Variants in FAT3 observed in about 807,000 individuals in gnomAD.
The protein encoded by FAT3 is protocadherin Fat 3.
FAT3 carries 95 observed loss-of-function variants against 310.2 expected under a neutral mutation model. That is an observed-to-expected ratio of 0.31 (90% CI 0.26 to 0.36). The LOEUF (loss-of-function observed/expected upper bound fraction) is 0.36, where lower values mean the gene tolerates loss of function less well. FAT3 is among the 10% of genes least tolerant of loss of function. The pLI is 1.00. For synonymous variants in FAT3, 2,314 were observed against 2,192.9 expected, an observed-to-expected ratio of 1.06 and a Z score of -1.54; for missense variants, 5,408 against 5,715.6, an observed-to-expected ratio of 0.95 and a Z score of 1.74.
intron 2 of FAT3, among the ~76,000 whole-genome samples, chr11:92,475,050 T>C (rs528478757): frequency 1.3e-5 from 2 of 152,224 alleles, no homozygotes; most frequent in Non-Finnish European, 2.9e-5. Flanking sequence ...GTACCCACCT[T>C]GACACAATGG....
chr11:92,351,131 A>C (rs547208714), intron 1 of FAT3, among the ~76,000 whole-genome samples: 1 of 152,214 alleles, frequency 6.6e-6, no homozygotes, highest in Admixed American at 6.5e-5. Context: ...GTAATTTCTA[A>C]AGTTTTTCTT....
chr11:92,795,129 G>T lies in FAT3; in HGVS notation c.4822+2152G>T, dbSNP rs1215483727. 2.0e-5 allele frequency among the ~76,000 whole-genome samples: 3 copies of T among 152,030 alleles called. No homozygotes were observed. The East Asian group carries it at 5.8e-4, about 29-fold the overall frequency. ...GCAGAATTTGAGTGCAGAGCTTCAG[G>T]TCTTATATCTAGTTTGAGTTTTGTG... On this transcript the variant is annotated intron_variant, in intron 9 of 27. Coordinates refer to ENST00000525166, the MANE Select transcript of FAT3 (RefSeq NM_001367949.2).
intron 3 of FAT3, among the ~76,000 whole-genome samples, chr11:92,665,799 T>C (rs944017490): frequency 6.6e-6 from 1 of 152,216 alleles, no homozygotes; most frequent in African/African-American, 2.4e-5. Context: ...GCCATGGTGT[T>C]ACAATGACAG....
intron 3 of FAT3, among the ~76,000 whole-genome samples, chr11:92,599,851 G>A (rs1426960730): frequency 5.3e-5 from 8 of 152,134 alleles, no homozygotes; most frequent in Non-Finnish European, 8.8e-5. Context: ...TACTTCTTTT[G>A]ATTATAAGCT....
intron 3 of FAT3, among the ~76,000 whole-genome samples, chr11:92,552,841 A>C (rs1370959048): frequency 6.6e-6 from 1 of 151,970 alleles, no homozygotes; most frequent in Non-Finnish European, 1.5e-5. Flanking sequence ...TCCCAGCTAC[A>C]GGGGAGTCTG....
At chr11:92,342,050 T>C (rs950631302) in intron 1 of FAT3, among the ~76,000 whole-genome samples, 1 of 152,206 alleles carries the variant, frequency 6.6e-6, no homozygotes, top group Non-Finnish European at 1.5e-5. Context: ...TTTAGCCAAA[T>C]AGACAAGCAC....
chr11:92,438,742 G>T (rs910128158), intron 2 of FAT3, among the ~76,000 whole-genome samples: 20 of 152,180 alleles, frequency 1.3e-4, no homozygotes, highest in African/African-American at 4.8e-4. Context: ...TGTAAGAAAA[G>T]AGAGAAGACC....
rs1212515342 is a variant in FAT3, at chr11:92,880,818, G to A, written c.12215G>A (p.Gly4072Glu). Residue 4072 changes from glycine to glutamate, a missense_variant, in exon 23 of 28, where the codon GGA becomes GAA. Gly to Glu is a moderately conservative substitution (Grantham distance 98). This residue lies in a region of FAT3 where 14 missense variants were observed against 34.4 expected (regional missense o/e 0.41). Coordinates refer to ENST00000525166, the MANE Select transcript of FAT3 (RefSeq NM_001367949.2). ...TACFPNPCRN[G>E]GSCDPIGNTF... ...TGCTTCCCAAACCCCTGCCGGAATG[G>A]AGGATCCTGCGATCCAATAGGAAAC... 6.2e-7 allele frequency: 1 copy of A among 1,613,826 alleles called. No individual in the cohort carries two copies. The highest frequency in any genetic ancestry group is 8.5e-7 in the Non-Finnish European group (1 of 1,179,884).
At chr11:92,296,294 T>C (rs1456345074) in intron 1 of FAT3, among the ~76,000 whole-genome samples, 1 of 152,114 alleles carries the variant, frequency 6.6e-6, no homozygotes, top group African/African-American at 2.4e-5. Flanking sequence ...CCTGATCAAA[T>C]GTGTGGCCTT....
rs755440101 is a variant in FAT3 at position 92,524,778 on chromosome 11, C to G, written c.3437C>G (p.Pro1146Arg). The change falls in exon 3 of 28, where the codon CCG becomes CGG. Residue 1146 changes from proline (P) to arginine (R), a missense_variant. Physicochemically the swap from Pro to Arg is moderately radical, Grantham distance 103. Coordinates refer to ENST00000525166, the MANE Select transcript of FAT3 (RefSeq NM_001367949.2). ...GTTGAAGATGTGAATGACAATGCCC[C>G]GCTGACCTCAGAACCTATATATTAT... ...IEVEDVNDNA[P>R]LTSEPIYYPV... 6.2e-7 allele frequency: 1 copy of G among 1,613,716 alleles called. No individual in the cohort carries two copies.
intron 1 of FAT3, among the ~76,000 whole-genome samples, chr11:92,267,571 G>GA (rs11458048): frequency 0.026 from 3,395 of 130,118 alleles, 130 homozygotes; most frequent in African/African-American, 0.086. Context: ...AGTATGAAAA[G>GA]AAAAAAAAAA....
intron 24 of FAT3, among the ~76,000 whole-genome samples, chr11:92,884,897 C>T (rs913702411): frequency 2.6e-5 from 4 of 152,124 alleles, no homozygotes; most frequent in African/African-American, 9.7e-5. Flanking sequence ...CAAACCAGGC[C>T]TCCAAAAGAA....
chr11:92,789,194 A>G (rs1486030862), intron 7 of FAT3, among the ~76,000 whole-genome samples: 1 of 152,150 alleles, frequency 6.6e-6, no homozygotes, highest in Non-Finnish European at 1.5e-5. Flanking sequence ...CCGAAATTAC[A>G]TGATGGGTGG....
chr11:92,482,590 G>T (rs1591350696), intron 2 of FAT3, among the ~76,000 whole-genome samples: 1 of 152,150 alleles, frequency 6.6e-6, no homozygotes, highest in South Asian at 2.1e-4. Flanking sequence ...TCACATGCCA[G>T]CACCACAATT....
chr11:92,350,664 C>G (rs1177211952), intron 1 of FAT3, among the ~76,000 whole-genome samples: 1 of 152,092 alleles, frequency 6.6e-6, no homozygotes, highest in East Asian at 1.9e-4. Context: ...GGGCAAATGT[C>G]TCAACTAAAT....
chr11:92,754,421 C>G (rs367856898), intron 4 of FAT3, among the ~76,000 whole-genome samples: 1 of 151,232 alleles, frequency 6.6e-6, no homozygotes, highest in African/African-American at 2.4e-5. Context: ...GTCAGGAGAT[C>G]GAGACCATCC....
intron 12 of FAT3, among the ~76,000 whole-genome samples, chr11:92,809,162 A>G (rs1470339675): frequency 6.6e-6 from 1 of 152,172 alleles, no homozygotes; most frequent in Non-Finnish European, 1.5e-5. Context: ...TGGTTAAAAT[A>G]TAGACATAAC....
intron 2 of FAT3, among the ~76,000 whole-genome samples, chr11:92,517,681 C>G (rs995958283): frequency 6.6e-6 from 1 of 152,140 alleles, no homozygotes; most frequent in Non-Finnish European, 1.5e-5. Context: ...TCAGAGTGAA[C>G]AGGCAACCTA....
At chr11:92,334,806 A>G (rs1359737674) in intron 1 of FAT3, among the ~76,000 whole-genome samples, 1 of 152,160 alleles carries the variant, frequency 6.6e-6, no homozygotes, top group East Asian at 1.9e-4. Flanking sequence ...CATATGTGAA[A>G]CCTGTTCAGA....
Sources: gnomAD v4.1 joint callset for allele counts (sites outside exome capture counted in the v4.1 genomes callset) on GRCh38, gnomAD v4.1.1 for gene constraint, gnomAD v4.1.1 regional missense constraint, MANE v1.5 for transcripts, NCBI Gene and HGNC (gene_info 2026-07-23, HGNC 2026-07-21) for gene names.